The following RPTOR variants were observed in gnomAD, a reference collection of about 807,000 sequenced individuals.
RPTOR encodes the protein regulatory associated protein of MTOR complex 1.
RPTOR carries 21 observed loss-of-function variants against 169.9 expected under a neutral mutation model. That is an observed-to-expected ratio of 0.12 (90% CI 0.09 to 0.18). The LOEUF is 0.18. Ranked by LOEUF, RPTOR falls within the 10% of genes least tolerant of loss-of-function variation. RPTOR has a pLI of 1.00. For missense variants in RPTOR, 1,133 were observed against 1,855.9 expected (o/e 0.61, Z 7.16); for synonymous variants, 732 against 753.2 (o/e 0.97, Z 0.46).
At chr17:80,692,235 T>G (rs1316500470) in intron 3 of RPTOR, among the ~76,000 whole-genome samples, 1 of 152,004 alleles carries the variant, frequency 6.6e-6, no homozygotes, top group African/African-American at 2.4e-5. Context: ...CCTCAGCCTC[T>G]CAAGTAGCCA....
intron 1 of RPTOR, among the ~76,000 whole-genome samples, chr17:80,566,682 A>G (rs1458180819): frequency 2.6e-5 from 4 of 151,738 alleles, no homozygotes; most frequent in African/African-American, 9.7e-5. Flanking sequence ...AAATTAGCCC[A>G]GTGAGGTGGC....
Position 80,895,211 on chromosome 17 carries a change from C to T in RPTOR, c.2401+1346C>T, listed in dbSNP as rs546557983. ...CAGCTCTGCTGGGCCCCAGCCTACC[C>T]GGCCCCCAGCCTGGGCATCGGTGGG... On this transcript the variant is annotated intron_variant, in intron 20 of 33. Transcript: ENST00000306801. Among the ~76,000 whole-genome samples the T allele has an allele frequency of 2.6e-3, 393 of 152,338 alleles. 1 individual carries two copies. Among genetic ancestry groups the T allele is most frequent in the Middle Eastern group, 0.024 (7 of 292 alleles).
rs1245509750 is a variant in RPTOR, at chr17:80,754,650, G to A, written c.830+465G>A. Among the ~76,000 whole-genome samples, 1 of 152,124 alleles carries A rather than the reference G, an allele frequency of 6.6e-6. No individual in the cohort carries two copies. The highest frequency in any genetic ancestry group is 6.5e-5 in the Admixed American group (1 of 15,272). ...CCATCCTTTTTAAGTTATAGCCGTC[G>A]GGAACATAACTGAAGAAATGTGTGT... On this transcript the variant is annotated intron_variant, in intron 6 of 33. Transcript: ENST00000306801. This position sits in a 1 kb window ranked among gnomAD's most constrained non-coding sequence, Gnocchi z 4.2.
At chr17:80,623,197 G>A (rs867469159) in intron 1 of RPTOR, among the ~76,000 whole-genome samples, 14 of 152,110 alleles carry the variant, frequency 9.2e-5, no homozygotes, top group Non-Finnish European at 1.8e-4. Context: ...ATCTAAAACC[G>A]AAACAGGAGG....
At chr17:80,880,516 C>T (rs2289760) in intron 14 of RPTOR, 27 bp downstream of exon 14, 417,420 of 1,607,284 alleles carry the variant, frequency 0.26, 55,647 homozygotes, top group East Asian at 0.35. Context: ...ACGCTCTCCA[C>T]GGGCTTGGGA....
At chr17:80,679,449 T>C (rs1244946790) in intron 3 of RPTOR, among the ~76,000 whole-genome samples, 2 of 152,224 alleles carry the variant, frequency 1.3e-5, no homozygotes, top group Non-Finnish European at 2.9e-5. Context: ...TGGTTAATCA[T>C]GTTACTCTAA....
At chr17:80,765,754 ATGGAG>A (rs1439509220) in intron 6 of RPTOR, among the ~76,000 whole-genome samples, 10 of 151,980 alleles carry the variant, frequency 6.6e-5, no homozygotes, top group Non-Finnish European at 8.8e-5. Context: ...TTCTCTCGTT[ATGGAG>A]GAAGTTGAGA....
chr17:80,959,961 CAGGGAG>C lies in RPTOR; in HGVS notation c.3478-116_3478-111del. 1 of 1,307,886 alleles carries C rather than the reference CAGGGAG, an allele frequency of 7.6e-7. No individual in the cohort carries two copies. The allele number at this position is 1,307,886 out of a possible 1,614,324, so 81.0% of individuals were successfully genotyped here. ...GGATAGAGAGAAAGGCCCCTGCAGCCAGGGAGGGTGATCCCCACAGCCAGGCAGGCA... is the reference window on the plus strand; with the variant it reads ...GGATAGAGAGAAAGGCCCCTGCAGCCGGTGATCCCCACAGCCAGGCAGGCA... On this transcript the variant is annotated intron_variant, in intron 29 of 33. Transcript: ENST00000306801. This position sits in a 1 kb window ranked among gnomAD's most constrained non-coding sequence, Gnocchi z 6.7.
rs556467217 is a variant in RPTOR at position 80,944,355 on chromosome 17, A to G, written c.3026-1312A>G. Among the ~76,000 whole-genome samples, 6 of 152,330 alleles carry G rather than the reference A, an allele frequency of 3.9e-5. No individual in the cohort carries two copies. In the East Asian group the frequency reaches 1.2e-3, roughly 29 times the overall value. On this transcript the variant is annotated intron_variant, in intron 25 of 33. Coordinates refer to ENST00000306801, the MANE Select transcript of RPTOR (RefSeq NM_020761.3). ...CAGAGCCCTACCGAGCTTATTCTGA[A>G]ACTTTAGCACTTTCTTCATATAATC...
intron 14 of RPTOR, among the ~76,000 whole-genome samples, chr17:80,881,482 C>A (rs1330287505): frequency 1.3e-5 from 2 of 152,250 alleles, no homozygotes; most frequent in Non-Finnish European, 2.9e-5. Flanking sequence ...CCCACCTCAG[C>A]CACGAGCCTG....
chr17:80,752,440 G>A (rs2066639741), intron 5 of RPTOR, among the ~76,000 whole-genome samples: 1 of 152,248 alleles, frequency 6.6e-6, no homozygotes, highest in Admixed American at 6.5e-5. Flanking sequence ...TGGTGGAACT[G>A]GTTCTGATAT....
chr17:80,644,137 G>A (rs1599630134), intron 3 of RPTOR, among the ~76,000 whole-genome samples: 1 of 152,082 alleles, frequency 6.6e-6, no homozygotes, highest in African/African-American at 2.4e-5. Context: ...ATGTATTTTC[G>A]ATAATTTTTC....
chr17:80,912,999 T>C (rs1357813470), intron 21 of RPTOR, among the ~76,000 whole-genome samples: 1 of 152,128 alleles, frequency 6.6e-6, no homozygotes, highest in African/African-American at 2.4e-5. Context: ...AGCTTGTGTG[T>C]GTGTGTCTGT....
rs540082303 is a variant in RPTOR, at chr17:80,579,941, C to T, written c.162+34150C>T. On this transcript the variant is annotated intron_variant, in intron 1 of 33. Transcript: ENST00000306801. ...CTGCCTAGGGAGAGGAGCCTCAGCACGGCATCTATCATGGGCTGCTTTGCT... is the reference window on the plus strand; with the variant it reads ...CTGCCTAGGGAGAGGAGCCTCAGCATGGCATCTATCATGGGCTGCTTTGCT... Among the ~76,000 whole-genome samples the T allele has an allele frequency of 2.6e-5, 4 of 152,226 alleles. No individual in the cohort carries two copies. The East Asian group carries it at 5.8e-4, about 22-fold the overall frequency.
intron 28 of RPTOR, among the ~76,000 whole-genome samples, chr17:80,954,442 T>C (rs561470397): frequency 2.0e-5 from 3 of 152,178 alleles, no homozygotes; most frequent in African/African-American, 4.8e-5. Context: ...AATCTTTTAT[T>C]ATTTGTAAAG....
intron 9 of RPTOR, among the ~76,000 whole-genome samples, chr17:80,833,134 G>A (rs563213270): frequency 1.4e-4 from 22 of 152,218 alleles, no homozygotes; most frequent in Admixed American, 1.2e-3. Context: ...ACTGATCAGC[G>A]CAGATGGAGG....
intron 1 of RPTOR, among the ~76,000 whole-genome samples, chr17:80,598,484 A>G (rs2065159955): frequency 6.6e-6 from 1 of 152,230 alleles, no homozygotes; most frequent in South Asian, 2.1e-4. Context: ...GCTTCTTATT[A>G]GGAGACAAAA....
rs1598255404 is a variant in RPTOR, at chr17:80,721,090, G to T, written c.508-9470G>T. ...CACCTAGGAGGTGAGGAGGGGCTAC[G>T]TCTGCCGGGTCTCCAAGCAGGAGTG... On this transcript the variant is annotated intron_variant, in intron 4 of 33. Coordinates refer to ENST00000306801, the MANE Select transcript of RPTOR (RefSeq NM_020761.3). This position sits in a 1 kb window ranked among gnomAD's most constrained non-coding sequence, Gnocchi z 4.7. 6.6e-6 allele frequency among the ~76,000 whole-genome samples: 1 copy of T among 150,926 alleles called. No individual in the cohort carries two copies. Among genetic ancestry groups the T allele is most frequent in the Non-Finnish European group, 1.5e-5 (1 of 68,016 alleles).
intron 21 of RPTOR, among the ~76,000 whole-genome samples, chr17:80,917,897 G>A (rs901392314): frequency 1.3e-5 from 2 of 152,182 alleles, no homozygotes; most frequent in African/African-American, 2.4e-5. Context: ...GTGGCCTGCT[G>A]TGTGGAAGTG....
Sources: allele counts gnomAD v4.1 joint callset (sites outside exome capture counted in the v4.1 genomes callset), GRCh38; gene constraint gnomAD v4.1.1; non-coding constraint Gnocchi (gnomAD v3.1); transcripts MANE v1.5; gene names NCBI Gene and HGNC (gene_info 2026-07-23, HGNC 2026-07-21).